Variants in ZNF331 observed in about 807,000 individuals in gnomAD.
ZNF331 encodes zinc finger protein 331, also known as C2H2-like zinc finger protein rearranged in thyroid adenomas.
ZNF331 carries 2 observed loss-of-function variants against 7.0 expected under a neutral mutation model. The observed-to-expected ratio is 0.29, with a 90% CI of 0.12 to 0.90. ZNF331 has a LOEUF of 0.90. Among genes scored for constraint, ZNF331 ranks in the 40% least tolerant of loss-of-function variants. The pLI, the probability that ZNF331 is intolerant of heterozygous loss-of-function variation, is 0.58. For synonymous variants in ZNF331, 196 were observed against 205.4 expected (o/e 0.95, Z 0.39); for missense variants, 432 against 587.7 (o/e 0.74, Z 2.74).
At position 53,560,598 on chromosome 19, in the gene ZNF331, G is replaced by C. The variant is rs767187778; in HGVS notation, c.-74+4690G>C. Reference sequence around the variant, plus strand: ...AAATGTATTATCTTACTGTCATAGAGGTCAGAAGTCTGAAGTGGGTCTCAC... The same window carrying C: ...AAATGTATTATCTTACTGTCATAGACGTCAGAAGTCTGAAGTGGGTCTCAC... On this transcript the variant is annotated intron_variant, in intron 3 of 5. Transcript: ENST00000449416. The surrounding 1 kb of genome is among the most constrained non-coding windows in gnomAD (Gnocchi z 4.3). 6.6e-6 allele frequency among the ~76,000 whole-genome samples: 1 copy of C among 152,130 alleles called. No homozygotes were observed. The highest frequency in any genetic ancestry group is 2.4e-5 in the African/African-American group (1 of 41,402).
At chr19:53,537,452 A>G (rs1392758356), upstream of ZNF331, 2 of 152,204 alleles carry the variant, frequency 1.3e-5, no homozygotes, top group African/African-American at 4.8e-5. Context: ...GCCCGGCATC[A>G]CCCCACTCAA....
chr19:53,572,212 A>G (rs1391236179), intron 5 of ZNF331, among the ~76,000 whole-genome samples: 1 of 152,166 alleles, frequency 6.6e-6, no homozygotes, highest in Non-Finnish European at 1.5e-5. Flanking sequence ...CATTTCTTAC[A>G]TACCATACCT....
intron 3 of ZNF331, among the ~76,000 whole-genome samples, chr19:53,567,782 G>T (rs2090227922): frequency 1.3e-5 from 2 of 151,856 alleles, no homozygotes; most frequent in Non-Finnish European, 2.9e-5. Flanking sequence ...AGTCAAGGCT[G>T]CAGTGAGCTG....
chr19:53,519,123 A>G (rs1025940812), upstream of ZNF331, among the ~76,000 whole-genome samples: 2 of 152,150 alleles, frequency 1.3e-5, no homozygotes, highest in African/African-American at 4.8e-5. Flanking sequence ...CCACACGTTC[A>G]TAGAAACATA....
At position 53,571,541 on chromosome 19, in the gene ZNF331, G is replaced by C; in HGVS notation, c.10-63G>C. On this transcript the variant is annotated intron_variant, in intron 4 of 5. Transcript: ENST00000449416. The surrounding 1 kb of genome is among the most constrained non-coding windows in gnomAD (Gnocchi z 4.7). ...CACCCTACCCAGAGGGTGGCCTCCT[G>C]TCTCCTTCATCTGGAAGCTGTTTCC... 6.3e-7 allele frequency: 1 copy of C among 1,593,506 alleles called. No homozygotes were observed.
chr19:53,511,214 CT>C, the ZNF331 span, among the ~76,000 whole-genome samples: 1 of 151,958 alleles, frequency 6.6e-6, no homozygotes, highest in Non-Finnish European at 1.5e-5. Flanking sequence ...GTATAAAATA[CT>C]TAGAAAATAT....
the ZNF331 span, chr19:53,511,903 CCA>C: frequency 6.6e-6 from 1 of 152,214 alleles, no homozygotes; most frequent in Non-Finnish European, 1.5e-5. Flanking sequence ...CCTCAATGAA[CCA>C]CAGAGTTCAC....
At chr19:53,515,507 T>G (rs1476578660), upstream of ZNF331, among the ~76,000 whole-genome samples, 1 of 152,190 alleles carries the variant, frequency 6.6e-6, no homozygotes, top group African/African-American at 2.4e-5. Flanking sequence ...GGTTGGTTGT[T>G]TGTTTTTGAG....
intron 2 of ZNF331, among the ~76,000 whole-genome samples, chr19:53,543,199 A>C (rs2088303842): frequency 6.6e-6 from 1 of 152,150 alleles, no homozygotes; most frequent in Non-Finnish European, 1.5e-5. Flanking sequence ...GTGAGGCAGG[A>C]GGATCGCTTG....
At chr19:53,535,278 A>G (rs948396333), upstream of ZNF331, among the ~76,000 whole-genome samples, 7 of 151,980 alleles carry the variant, frequency 4.6e-5, no homozygotes, top group African/African-American at 1.7e-4. Context: ...TTTAGTAGAG[A>G]TGGGGTTTCG....
intron 2 of ZNF331, among the ~76,000 whole-genome samples, chr19:53,525,908 T>C (rs1447982217): frequency 6.6e-6 from 1 of 152,226 alleles, no homozygotes; most frequent in African/African-American, 2.4e-5. Flanking sequence ...ATGTTAGCTA[T>C]GTGCTTGTGT....
the ZNF331 span, among the ~76,000 whole-genome samples, chr19:53,506,334 C>CAAA: frequency 7.6e-5 from 3 of 39,548 alleles, no homozygotes; most frequent in Non-Finnish European, 9.7e-5. Flanking sequence ...GACTCCGTCT[C>CAAA]AAAAAAAAAA....
the ZNF331 span, among the ~76,000 whole-genome samples, chr19:53,511,441 A>C: frequency 6.6e-6 from 1 of 152,122 alleles, no homozygotes; most frequent in South Asian, 2.1e-4. Flanking sequence ...AAACAGGGTA[A>C]ATTAAAACTA....
At chr19:53,519,058 T>C (rs1322191048), upstream of ZNF331, among the ~76,000 whole-genome samples, 1 of 152,076 alleles carries the variant, frequency 6.6e-6, no homozygotes, top group African/African-American at 2.4e-5. Flanking sequence ...CAAGATGGAG[T>C]CTTTTTCTAA....
At chr19:53,548,041 T>C (rs528263145) in intron 2 of ZNF331, among the ~76,000 whole-genome samples, 5 of 152,310 alleles carry the variant, frequency 3.3e-5, no homozygotes, top group African/African-American at 1.2e-4. Context: ...GCAATCCTCC[T>C]ACCTCAGCCT....
rs1204773410 is a variant in ZNF331 at position 53,558,267 on chromosome 19, A to G, written c.-74+2359A>G. 6.6e-6 allele frequency among the ~76,000 whole-genome samples: 1 copy of G among 152,168 alleles called. No individual in the cohort carries two copies. Among genetic ancestry groups the G allele is most frequent in the Non-Finnish European group, 1.5e-5 (1 of 68,028 alleles). On this transcript the variant is annotated intron_variant, in intron 3 of 5. Transcript: ENST00000449416. This position sits in a 1 kb window ranked among gnomAD's most constrained non-coding sequence, Gnocchi z 4.5. ...TATTACAAAGGATATTTTAAAGGAT[A>G]CTAATGAACAGCCAGATGAAGAGAT...
rs1295616456 is a variant in ZNF331, at chr19:53,571,487, T to C, written c.10-117T>C. ...ATGTCCTTACCGCCCCTTGCCGATG[T>C]CACGGGTGTTCAGTCTGCTCACGGT... On this transcript the variant is annotated intron_variant, in intron 4 of 5. Coordinates refer to ENST00000449416, the MANE Select transcript of ZNF331 (RefSeq NM_001079906.2). This position sits in a 1 kb window ranked among gnomAD's most constrained non-coding sequence, Gnocchi z 4.7. The C allele has an allele frequency of 7.5e-7, 1 of 1,328,248 alleles. No homozygotes were observed. Among genetic ancestry groups the C allele is most frequent in the East Asian group, 2.3e-5 (1 of 43,162 alleles). 82.3% of individuals were successfully genotyped at this position (1,328,248 alleles called of 1,614,324 possible).
At chr19:53,507,474 A>G in the ZNF331 span, among the ~76,000 whole-genome samples, 1 of 152,194 alleles carries the variant, frequency 6.6e-6, no homozygotes, top group Non-Finnish European at 1.5e-5. Context: ...TCTCAGCTCT[A>G]AAGGAAAAAT....
intron 3 of ZNF331, among the ~76,000 whole-genome samples, chr19:53,564,031 CAAAAAAAAAAA>C (rs57538972): frequency 3.8e-4 from 29 of 75,630 alleles, no homozygotes; most frequent in Middle Eastern, 0.012. Flanking sequence ...GACTTCATCT[CAAAAAAAAAAA>C]AAAAAAAAAA....
Sources: allele counts gnomAD v4.1 joint callset (sites outside exome capture counted in the v4.1 genomes callset), GRCh38; gene constraint gnomAD v4.1.1; non-coding constraint Gnocchi (gnomAD v3.1); transcripts MANE v1.5; gene names NCBI Gene and HGNC (gene_info 2026-07-23, HGNC 2026-07-21).